The following KIAA1217 variants were observed in gnomAD, a reference collection of about 807,000 sequenced individuals.
The protein encoded by KIAA1217 is KIAA1217.
Under a neutral mutation model 163.9 loss-of-function variants are expected in KIAA1217, and 88 were observed. The observed-to-expected ratio is 0.54, with a 90% CI of 0.45 to 0.64. KIAA1217 has a LOEUF of 0.64. Ranked by LOEUF, KIAA1217 falls within the 30% of genes least tolerant of loss-of-function variation. The pLI is 0.00. For missense variants in KIAA1217, 2,372 were observed against 2,475.0 expected, an observed-to-expected ratio of 0.96 and a Z score of 0.88; for synonymous variants, 903 against 923.1, an observed-to-expected ratio of 0.98 and a Z score of 0.39.
At chr10:24,502,938 A>G (rs2067853306) in intron 9 of KIAA1217, among the ~76,000 whole-genome samples, 1 of 152,190 alleles carries the variant, frequency 6.6e-6, no homozygotes, top group Non-Finnish European at 1.5e-5. Context: ...ATGAGCCAGG[A>G]TAGCACCATT....
At chr10:24,180,429 G>T (rs1218399735) in intron 2 of KIAA1217, among the ~76,000 whole-genome samples, 3 of 151,820 alleles carry the variant, frequency 2.0e-5, no homozygotes, top group Non-Finnish European at 4.4e-5. Context: ...TGGGATTAAA[G>T]GTGCATGCCA....
intron 1 of KIAA1217, among the ~76,000 whole-genome samples, chr10:23,737,969 T>C (rs1263754205): frequency 2.0e-5 from 3 of 152,146 alleles, no homozygotes; most frequent in Non-Finnish European, 4.4e-5. Flanking sequence ...TTTTATAATA[T>C]TCATTTGCAG....
intron 2 of KIAA1217, among the ~76,000 whole-genome samples, chr10:24,125,689 C>G (rs1400597287): frequency 6.6e-6 from 1 of 151,918 alleles, no homozygotes; most frequent in Non-Finnish European, 1.5e-5. Context: ...TTCTGGTTTC[C>G]CTTTCTCTCT....
At position 24,279,266 on chromosome 10, in the gene KIAA1217, TTTTG is replaced by T. The variant is rs1672076269; in HGVS notation, c.354+59369_354+59372del. Among the ~76,000 whole-genome samples, 3 of 149,226 alleles carry T rather than the reference TTTTG, an allele frequency of 2.0e-5. No individual in the cohort carries two copies. In the South Asian group the frequency reaches 6.5e-4, roughly 32 times the overall value. ...TTTTTTTTGTTGGTGGTGGTGGTGT[TTTTG>T]TTTGTTTGTTTTTTTTTTTAAAAAA... On this transcript the variant is annotated intron_variant, in intron 2 of 20. Coordinates refer to ENST00000376454, the MANE Select transcript of KIAA1217 (RefSeq NM_019590.5).
At chr10:24,297,164 T>C (rs2040720694) in intron 2 of KIAA1217, among the ~76,000 whole-genome samples, 1 of 152,236 alleles carries the variant, frequency 6.6e-6, no homozygotes, top group Non-Finnish European at 1.5e-5. Context: ...CCACCCACTA[T>C]GGCATATTGT....
intron 2 of KIAA1217, among the ~76,000 whole-genome samples, chr10:24,345,864 T>C (rs1223558760): frequency 1.3e-5 from 2 of 152,164 alleles, no homozygotes; most frequent in Non-Finnish European, 2.9e-5. Context: ...AAGCGTACAG[T>C]TCCGTGGTGT....
chr10:23,790,565 G>GCA (rs1159856561), intron 1 of KIAA1217, among the ~76,000 whole-genome samples: 1 of 72,000 alleles, frequency 1.4e-5, no homozygotes, highest in Non-Finnish European at 2.5e-5. Context: ...ATGTACATAT[G>GCA]TATATATACA....
chr10:24,101,721 C>A lies in KIAA1217; in HGVS notation c.-171+94347C>A, dbSNP rs538688304. On this transcript the variant is annotated intron_variant, in intron 2 of 18. Coordinates refer to the KIAA1217 transcript ENST00000376462. The stretch of plus-strand genomic sequence containing the variant: ...TTTTTGCTTGTAAAAATGATAATTT[C>A]ATAATGTTTAGCCTAGTATTTTCAT... 1.1e-4 allele frequency among the ~76,000 whole-genome samples: 16 copies of A among 152,224 alleles called. No homozygotes were observed. The East Asian group carries it at 3.1e-3, about 29-fold the overall frequency.
chr10:24,154,926 C>CAA (rs1250719385), intron 2 of KIAA1217, among the ~76,000 whole-genome samples: 2,156 of 68,634 alleles, frequency 0.031, 59 homozygotes, highest in African/African-American at 0.1. Context: ...GACTCCATGT[C>CAA]AAAAAAAAAA....
intron 20 of KIAA1217, chr10:24,545,450 C>T: frequency 7.8e-7 from 1 of 1,284,840 alleles, no homozygotes; most frequent in South Asian, 2.1e-5. Context: ...CCCTTAACGT[C>T]ACCACTACTA....
chr10:24,156,691 T>C (rs2131873847), intron 2 of KIAA1217, among the ~76,000 whole-genome samples: 1 of 152,216 alleles, frequency 6.6e-6, no homozygotes, highest in Admixed American at 6.5e-5. Flanking sequence ...CAGGGCTGAG[T>C]ACCAGAAAAC....
At chr10:23,887,492 T>C (rs1228530245) in intron 1 of KIAA1217, among the ~76,000 whole-genome samples, 1 of 151,904 alleles carries the variant, frequency 6.6e-6, no homozygotes, top group East Asian at 2.0e-4. Flanking sequence ...ATCTCTGTCC[T>C]GAGGGCTCAA....
At chr10:24,030,816 G>A (rs1481657407) in intron 2 of KIAA1217, among the ~76,000 whole-genome samples, 3 of 152,128 alleles carry the variant, frequency 2.0e-5, no homozygotes, top group Admixed American at 2.0e-4. Flanking sequence ...TGTCCTCAAG[G>A]TTCATCTATA....
chr10:23,907,661 C>T (rs759749071), intron 1 of KIAA1217, among the ~76,000 whole-genome samples: 24 of 152,036 alleles, frequency 1.6e-4, no homozygotes, highest in African/African-American at 3.1e-4. Flanking sequence ...GGGCCCTCCA[C>T]GGGTTGGACG....
intron 1 of KIAA1217, among the ~76,000 whole-genome samples, chr10:23,982,292 G>A (rs11013826): frequency 0.2 from 30,788 of 152,002 alleles, 3,392 homozygotes; most frequent in Middle Eastern, 0.28. Context: ...TTAATGATCA[G>A]TAGTGGAATC....
At chr10:24,425,374 T>G (rs2059096520) in intron 3 of KIAA1217, among the ~76,000 whole-genome samples, 1 of 152,190 alleles carries the variant, frequency 6.6e-6, no homozygotes, top group African/African-American at 2.4e-5. Flanking sequence ...CTTTTATACC[T>G]AAGTTTCTGT....
chr10:23,802,231 G>A (rs1185902233), intron 1 of KIAA1217, among the ~76,000 whole-genome samples: 1 of 152,182 alleles, frequency 6.6e-6, no homozygotes, highest in Non-Finnish European at 1.5e-5. Context: ...CAATTGCTAA[G>A]TGAGTGGTCA....
At chr10:23,924,190 T>G (rs907970306) in intron 1 of KIAA1217, among the ~76,000 whole-genome samples, 20 of 147,772 alleles carry the variant, frequency 1.4e-4, no homozygotes, top group Middle Eastern at 3.3e-3. Context: ...TACTTTAAGT[T>G]CTAGGATACA....
intron 3 of KIAA1217, among the ~76,000 whole-genome samples, chr10:24,392,052 A>C (rs774878746): frequency 6.6e-6 from 1 of 152,266 alleles, no homozygotes; most frequent in Admixed American, 6.5e-5. Flanking sequence ...AAAACCAATA[A>C]AAATATCAAA....
Sources: allele counts gnomAD v4.1 joint callset (sites outside exome capture counted in the v4.1 genomes callset), GRCh38; gene constraint gnomAD v4.1.1; transcripts MANE v1.5; gene names NCBI Gene and HGNC (gene_info 2026-07-23, HGNC 2026-07-21).